IGSF10: variants seen among roughly 807,000 people sequenced by gnomAD.
IGSF10 encodes immunoglobulin superfamily member 10.
In IGSF10, 126 loss-of-function variants were observed where a neutral mutation model predicts 128.2. That is an observed-to-expected ratio of 0.98 (90% CI 0.85 to 1.14). The LOEUF (loss-of-function observed/expected upper bound fraction) is 1.14, where lower values mean the gene tolerates loss of function less well. IGSF10 is among the 50% of genes most tolerant of loss of function. IGSF10 has a pLI of 0.00. For missense variants in IGSF10, 3,295 were observed against 3,149.8 expected, an observed-to-expected ratio of 1.05 and a Z score of -1.10; for synonymous variants, 1,185 against 1,146.2, an observed-to-expected ratio of 1.03 and a Z score of -0.68.
chr3:151,570,731 T>C, the IGSF10 span, among the ~76,000 whole-genome samples: 1 of 152,228 alleles, frequency 6.6e-6, no homozygotes, highest in African/African-American at 2.4e-5. Context: ...AGAAGCTCTT[T>C]AGTTTAATTA....
At chr3:151,522,891 C>T in the IGSF10 span, among the ~76,000 whole-genome samples, 10 of 152,082 alleles carry the variant, frequency 6.6e-5, no homozygotes, top group Admixed American at 2.6e-4. Context: ...GGAAGTCAGA[C>T]TATCTCTATT....
chr3:151,459,671 A>G (rs528540507), intron 2 of IGSF10, among the ~76,000 whole-genome samples: 55 of 147,928 alleles, frequency 3.7e-4, no homozygotes, highest in African/African-American at 1.3e-3. Flanking sequence ...AGCTTGTCAG[A>G]AAAAAAAAAA....
At chr3:151,577,146 C>CT in the IGSF10 span, among the ~76,000 whole-genome samples, 1 of 152,168 alleles carries the variant, frequency 6.6e-6, no homozygotes, top group South Asian at 2.1e-4. Context: ...TATATGCACA[C>CT]TTTCTCTAGG....
At chr3:151,614,181 G>A in the IGSF10 span, among the ~76,000 whole-genome samples, 3 of 152,192 alleles carry the variant, frequency 2.0e-5, no homozygotes, top group Admixed American at 6.5e-5. Context: ...ACAGGTGCTG[G>A]AGGGGATGTG....
At chr3:151,582,581 G>A in the IGSF10 span, among the ~76,000 whole-genome samples, 11 of 152,010 alleles carry the variant, frequency 7.2e-5, no homozygotes, top group African/African-American at 2.4e-4. Context: ...GCTACGGTTT[G>A]TTCATTTTCA....
chr3:151,505,471 A>G, the IGSF10 span, among the ~76,000 whole-genome samples: 1 of 152,230 alleles, frequency 6.6e-6, no homozygotes, highest in Non-Finnish European at 1.5e-5. Flanking sequence ...TAGTGAGGAA[A>G]AAAATCATTG....
chr3:151,602,278 A>T, the IGSF10 span, among the ~76,000 whole-genome samples: 11 of 152,298 alleles, frequency 7.2e-5, no homozygotes, highest in East Asian at 1.3e-3. Flanking sequence ...TGCATTTAAA[A>T]ATATATATAT....
chr3:151,449,354 G>GA, intron 5 of IGSF10, 89 bp from the exon 6 acceptor site: 5 of 1,295,266 alleles, frequency 3.9e-6, no homozygotes, highest in Non-Finnish European at 5.2e-6. Context: ...GCTAGAAGCT[G>GA]AAACAATTTG....
chr3:151,438,616 C>T lies in IGSF10; in HGVS notation c.5964-19G>A. ...GCCCACTCTAAGGAGAAAAGAGATT[C>T]ATTTGAGTGTGCAGCTGTTAGCAAT... is the stretch of plus-strand genomic sequence containing the variant. On this transcript the variant is annotated intron_variant, in intron 7 of 7. Coordinates refer to ENST00000282466, the MANE Select transcript of IGSF10 (RefSeq NM_178822.5). The T allele has an allele frequency of 6.3e-7, 1 of 1,587,416 alleles. No homozygotes were observed.
rs200186856 is a variant in IGSF10, at chr3:151,445,857, G to A, written c.4124C>T (p.Thr1375Ile). The A allele has an allele frequency of 3.1e-6, 5 of 1,614,242 alleles. No homozygotes were observed. Among genetic ancestry groups the A allele is most frequent in the African/African-American group, 1.3e-5 (1 of 75,064 alleles). ...TTCGGCTGTGGTTAGAACAGGAGGT[G>A]TCATAGCAGTGGGTGTAGTGAAGCC... is the stretch of plus-strand genomic sequence containing the variant. ...SSGFTTPTAM[T>I]PPVLTTAETS... The change falls in exon 6 of 8, where the codon ACA (threonine) becomes ATA (isoleucine). Residue 1375 changes from threonine to isoleucine, a missense_variant. Coordinates refer to ENST00000282466, the MANE Select transcript of IGSF10 (RefSeq NM_178822.5).
At chr3:151,553,469 A>G in the IGSF10 span, among the ~76,000 whole-genome samples, 1 of 152,062 alleles carries the variant, frequency 6.6e-6, no homozygotes, top group African/African-American at 2.4e-5. Flanking sequence ...TCAGAAATGA[A>G]CCAAAAATGT....
intron 5 of IGSF10, among the ~76,000 whole-genome samples, chr3:151,449,708 A>G (rs1721420352): frequency 6.6e-6 from 1 of 152,246 alleles, no homozygotes; most frequent in Non-Finnish European, 1.5e-5. Context: ...TGTTTATTAA[A>G]GGATTATTTA....
chr3:151,590,172 G>A, the IGSF10 span, among the ~76,000 whole-genome samples: 3,991 of 152,090 alleles, frequency 0.026, 172 homozygotes, highest in African/African-American at 0.091. Flanking sequence ...CCAAGTAGCT[G>A]TGACTACAGA....
the IGSF10 span, among the ~76,000 whole-genome samples, chr3:151,506,030 C>A: frequency 1.3e-5 from 2 of 151,920 alleles, no homozygotes; most frequent in East Asian, 3.9e-4. Context: ...CAGCTCACTG[C>A]AACCTCTGCC....
the IGSF10 span, among the ~76,000 whole-genome samples, chr3:151,506,782 T>C: frequency 6.6e-6 from 1 of 152,182 alleles, no homozygotes; most frequent in African/African-American, 2.4e-5. Context: ...CAATTTCTTA[T>C]GGCAACAAAA....
Position 151,448,877 on chromosome 3 carries a change from G to C in IGSF10, c.1104C>G (p.Tyr368Ter), listed in dbSNP as rs538808825. ...TTTGCCACACTGGCTGAATGTGACCGTAATCTATGTTGCACACCAAAAATG... is the reference window on the plus strand; with the variant it reads ...TTTGCCACACTGGCTGAATGTGACCCTAATCTATGTTGCACACCAAAAATG... ...FSTFLVCNID[Y>*]GHIQPVWQIL... Residue 368 changes from tyrosine to a stop codon, truncating the protein, a stop_gained, in exon 6 of 8, where the codon TAC becomes TAG. Transcript: ENST00000282466. LOFTEE classifies it high-confidence loss of function. 6.2e-7 allele frequency: 1 copy of C among 1,614,060 alleles called. No individual in the cohort carries two copies. Among genetic ancestry groups the C allele is most frequent in the Non-Finnish European group, 8.5e-7 (1 of 1,180,026 alleles).
the IGSF10 span, among the ~76,000 whole-genome samples, chr3:151,612,326 T>C: frequency 4.6e-5 from 7 of 152,214 alleles, no homozygotes; most frequent in Admixed American, 1.3e-4. Context: ...GATGATTTCA[T>C]AGTACAATCC....
At chr3:151,519,477 G>GAT in the IGSF10 span, among the ~76,000 whole-genome samples, 10 of 151,692 alleles carry the variant, frequency 6.6e-5, no homozygotes, top group African/African-American at 2.4e-4. Context: ...TAAGTTGGGG[G>GAT]ATATATTTTA....
At chr3:151,552,408 A>G in the IGSF10 span, among the ~76,000 whole-genome samples, 1 of 152,316 alleles carries the variant, frequency 6.6e-6, no homozygotes, top group East Asian at 1.9e-4. Context: ...TTATTTGGAG[A>G]GCCAGCAAAC....
Sources: gnomAD v4.1 joint callset for allele counts (sites outside exome capture counted in the v4.1 genomes callset) on GRCh38, gnomAD v4.1.1 for gene constraint, MANE v1.5 for transcripts, NCBI Gene and HGNC (gene_info 2026-07-23, HGNC 2026-07-21) for gene names.